The following PDZD2 variants were observed in gnomAD, a reference collection of about 807,000 sequenced individuals.
PDZD2 encodes PDZ domain-containing protein 2.
PDZD2 carries 90 observed loss-of-function variants against 220.7 expected under a neutral mutation model. The observed-to-expected ratio is 0.41, with a 90% CI of 0.34 to 0.49. The LOEUF (loss-of-function observed/expected upper bound fraction) is 0.49. Among genes scored for constraint, PDZD2 ranks in the 20% least tolerant of loss-of-function variants. The probability of loss-of-function intolerance (pLI) is 0.28; values close to 1 mark genes in which losing one functional copy is unlikely to be tolerated. For missense variants in PDZD2, 3,174 were observed against 3,608.5 expected (o/e 0.88, Z 3.08); for synonymous variants, 1,375 against 1,450.5 (o/e 0.95, Z 1.18).
At chr5:31,684,391 A>G (rs761084493) in intron 1 of PDZD2, among the ~76,000 whole-genome samples, 16 of 152,110 alleles carry the variant, frequency 1.1e-4, no homozygotes, top group Non-Finnish European at 1.9e-4. Flanking sequence ...CCATCAGTAT[A>G]CTGGCACTGT....
intron 2 of PDZD2, among the ~76,000 whole-genome samples, chr5:31,918,421 TAGAG>T (rs1743873166): frequency 6.6e-6 from 1 of 152,166 alleles, no homozygotes; most frequent in African/African-American, 2.4e-5. Context: ...AAAGTGAAGA[TAGAG>T]AAAGAACCAT....
In PDZD2 at chr5:31,796,317, C is replaced by A. The variant is rs73058494; in HGVS notation, c.-360-2572C>A. Among the ~76,000 whole-genome samples the A allele has an allele frequency of 5.4e-3, 826 of 152,284 alleles. 10 individuals are homozygous for A. The highest frequency in any genetic ancestry group is 0.019 in the African/African-American group (797 of 41,546). On this transcript the variant is annotated intron_variant, in intron 1 of 24. Coordinates refer to ENST00000438447, the MANE Select transcript of PDZD2 (RefSeq NM_178140.4). Reference sequence around the variant, plus strand: ...TAGGGCGAGGGCAGCAATGCAGCCCCGTCCAGGATGGCGGAAAGTGAGGAC... The same window carrying A: ...TAGGGCGAGGGCAGCAATGCAGCCCAGTCCAGGATGGCGGAAAGTGAGGAC...
chr5:31,728,021 A>AAAAG (rs1491491861), intron 1 of PDZD2, among the ~76,000 whole-genome samples: 1 of 148,412 alleles, frequency 6.7e-6, no homozygotes, highest in African/African-American at 2.5e-5. Context: ...AAAAAAAAAA[A>AAAAG]GATCAGGCAG....
intron 3 of PDZD2, among the ~76,000 whole-genome samples, chr5:31,988,715 A>G (rs1239051817): frequency 6.6e-6 from 1 of 152,080 alleles, no homozygotes; most frequent in African/African-American, 2.4e-5. Context: ...CCAGTTTCTT[A>G]TTCCCTGATT....
chr5:32,068,805 A>T (rs1740456767), intron 14 of PDZD2, among the ~76,000 whole-genome samples: 1 of 151,742 alleles, frequency 6.6e-6, no homozygotes, highest in Admixed American at 6.6e-5. Flanking sequence ...CAACTTACTC[A>T]CAAATGGTTT....
Position 31,712,320 on chromosome 5 carries a change from G to A in PDZD2, c.-361+72883G>A, listed in dbSNP as rs573948482. ...GGGGCAGTTCCCTGCCTCACACGGC[G>A]TTGACTCGGATTCAGCTCATGTCTG... On this transcript the variant is annotated intron_variant, in intron 1 of 24. Transcript: ENST00000438447. Among the ~76,000 whole-genome samples, 66 of 152,294 alleles carry A rather than the reference G, an allele frequency of 4.3e-4. No homozygotes were observed. In the East Asian group the frequency reaches 6.2e-3, roughly 14 times the overall value.
At chr5:31,747,779 T>C (rs1473583501) in intron 1 of PDZD2, 1 of 152,618 alleles carries the variant, frequency 6.6e-6, no homozygotes, top group African/African-American at 2.4e-5. Context: ...TGAATTGCTG[T>C]GCCACTGGAC....
At chr5:31,968,655 CAAAA>C (rs758496604) in intron 2 of PDZD2, among the ~76,000 whole-genome samples, 1 of 145,658 alleles carries the variant, frequency 6.9e-6, no homozygotes, top group Non-Finnish European at 1.5e-5. Context: ...AATTCTGTCT[CAAAA>C]AACAAACAAA....
At chr5:31,940,813 G>A (rs536849100) in intron 2 of PDZD2, among the ~76,000 whole-genome samples, 25 of 152,314 alleles carry the variant, frequency 1.6e-4, no homozygotes, top group Non-Finnish European at 1.6e-4. Flanking sequence ...ACCTGAGACC[G>A]CAGGGGCAGA....
At chr5:31,778,656 C>T (rs1752865853) in intron 1 of PDZD2, among the ~76,000 whole-genome samples, 1 of 152,168 alleles carries the variant, frequency 6.6e-6, no homozygotes, top group Non-Finnish European at 1.5e-5. Context: ...AAATTCCGGA[C>T]ATACCGTCTT....
intron 2 of PDZD2, among the ~76,000 whole-genome samples, chr5:31,879,297 GA>G (rs1399994041): frequency 6.6e-6 from 1 of 151,390 alleles, no homozygotes; most frequent in African/African-American, 2.4e-5. Flanking sequence ...TGAGCCTGGA[GA>G]ATGGCGTGAA....
chr5:31,901,307 A>G (rs571579067), intron 2 of PDZD2, among the ~76,000 whole-genome samples: 4 of 151,906 alleles, frequency 2.6e-5, no homozygotes, highest in Non-Finnish European at 5.9e-5. Flanking sequence ...AATCCCACCT[A>G]CCCAGGAGGC....
intron 18 of PDZD2, among the ~76,000 whole-genome samples, chr5:32,076,177 T>C (rs981615394): frequency 1.3e-4 from 19 of 151,274 alleles, no homozygotes; most frequent in African/African-American, 4.6e-4. Context: ...TCCCAGCTAC[T>C]CGGGAGTCTG....
rs942311821 is a variant in PDZD2, at chr5:31,732,930, T to C, written c.-360-65959T>C. On this transcript the variant is annotated intron_variant, in intron 1 of 24. Coordinates refer to ENST00000438447, the MANE Select transcript of PDZD2 (RefSeq NM_178140.4). ...TTTTAGTAGAGACAGGGTTTCGCCA[T>C]GTTGGCCAGACTGATCTTGAACTTC... Among the ~76,000 whole-genome samples, 7 of 152,210 alleles carry C rather than the reference T, an allele frequency of 4.6e-5. No individual in the cohort carries two copies. The East Asian group carries it at 1.3e-3, about 29-fold the overall frequency.
At chr5:31,749,214 A>G (rs991331082) in intron 1 of PDZD2, among the ~76,000 whole-genome samples, 11 of 152,248 alleles carry the variant, frequency 7.2e-5, no homozygotes, top group Admixed American at 2.6e-4. Context: ...GAGAGGCAGG[A>G]AGGATATTTC....
intron 1 of PDZD2, among the ~76,000 whole-genome samples, chr5:31,797,259 T>A (rs1754103861): frequency 6.7e-6 from 1 of 149,858 alleles, no homozygotes; most frequent in Admixed American, 6.7e-5. Context: ...TTACTGTTTT[T>A]ATATGTATGG....
chr5:31,883,530 C>G (rs1740140453), intron 2 of PDZD2, among the ~76,000 whole-genome samples: 1 of 151,778 alleles, frequency 6.6e-6, no homozygotes, highest in African/African-American at 2.4e-5. Context: ...CAGCATGCTA[C>G]TTTTTCTTTG....
rs142875425 is a variant in PDZD2, at chr5:32,077,534, C to T, written c.3610C>T (p.His1204Tyr). 12 of 1,613,904 alleles carry T rather than the reference C, an allele frequency of 7.4e-6. No individual in the cohort carries two copies. Among genetic ancestry groups the T allele is most frequent in the Admixed American group, 1.7e-5 (1 of 60,004 alleles). ...CTGTGAACTAGCCAGTGCTCTGTCC[C>T]ATCTGGATGCCAGCCACCTCACAGA... ...TSCELASALSHLDASHLTENL... is the reference protein window; with the variant it reads ...TSCELASALSYLDASHLTENL... The change falls in exon 19 of 25, where the codon CAT becomes TAT. Residue 1204 changes from histidine to tyrosine, a missense_variant. His to Tyr is a moderately conservative substitution (Grantham distance 83). Around this residue, in one of 4 missense-constraint regions of PDZD2, gnomAD observed 1,861 missense variants for 2,001.0 expected, o/e 0.93. Coordinates refer to ENST00000438447, the MANE Select transcript of PDZD2 (RefSeq NM_178140.4).
At chr5:31,759,996 A>ACT (rs1751535677) in intron 1 of PDZD2, among the ~76,000 whole-genome samples, 2 of 152,208 alleles carry the variant, frequency 1.3e-5, no homozygotes, top group Non-Finnish European at 2.9e-5. Context: ...TTCCAACCTC[A>ACT]GGACTCTGCA....
Sources: gnomAD v4.1 joint callset for allele counts (sites outside exome capture counted in the v4.1 genomes callset) on GRCh38, gnomAD v4.1.1 for gene constraint, gnomAD v4.1.1 regional missense constraint, MANE v1.5 for transcripts, NCBI Gene and HGNC (gene_info 2026-07-23, HGNC 2026-07-21) for gene names.